The following KANK1 variants were observed in gnomAD, a reference collection of about 807,000 sequenced individuals.
KANK1 encodes the protein KN motif and ankyrin repeat domains 1.
Under a neutral mutation model 106.2 loss-of-function variants are expected in KANK1, and 109 were observed. The observed-to-expected ratio is 1.03, with a 90% confidence interval of 0.88 to 1.20. The LOEUF (loss-of-function observed/expected upper bound fraction) is 1.20. Among genes scored for constraint, KANK1 ranks in the 50% most tolerant of loss-of-function variants. KANK1 has a pLI of 0.00. For missense variants in KANK1, 2,399 were observed against 1,710.7 expected (o/e 1.40, Z -7.10); for synonymous variants, 873 against 652.2 (o/e 1.34, Z -5.16).
chr9:481,793 A>G (rs1040701226), intron 3 of KANK1, among the ~76,000 whole-genome samples: 4 of 152,082 alleles, frequency 2.6e-5, no homozygotes, highest in African/African-American at 9.7e-5. Context: ...GCAGTGAGCT[A>G]TGATCACACC....
chr9:557,004 T>C (rs1004377333), intron 1 of KANK1, among the ~76,000 whole-genome samples: 1 of 152,116 alleles, frequency 6.6e-6, no homozygotes, highest in Non-Finnish European at 1.5e-5. Flanking sequence ...GGTTTGTTAA[T>C]GGCATGGTAG....
chr9:657,280 A>AT (rs2137865860), intron 1 of KANK1, among the ~76,000 whole-genome samples: 1 of 152,218 alleles, frequency 6.6e-6, no homozygotes, highest in South Asian at 2.1e-4. Context: ...CTGTTAATGG[A>AT]CTTTTAGGTT....
chr9:593,981 C>T (rs935168742), intron 1 of KANK1, among the ~76,000 whole-genome samples: 2 of 151,854 alleles, frequency 1.3e-5, no homozygotes, highest in African/African-American at 4.9e-5. Flanking sequence ...CAAAGTGACT[C>T]CCTGGGCTGT....
In KANK1 at chr9:646,132, A is replaced by T. The variant is rs77608505; in HGVS notation, c.-83-30758A>T. Among the ~76,000 whole-genome samples the T allele has an allele frequency of 7.4e-3, 1,123 of 150,884 alleles. 101 individuals carry two copies. Among genetic ancestry groups the T allele is most frequent in the African/African-American group, 0.026 (1,064 of 40,230 alleles). On this transcript the variant is annotated intron_variant, in intron 1 of 11. Transcript: ENST00000382297. ...GTTTAGGATACCTATTTTGACAGCC[A>T]TACAGATCTTCAGAAAATAGGGATT...
At chr9:665,343 C>T (rs1263435658) in intron 1 of KANK1, among the ~76,000 whole-genome samples, 3 of 152,146 alleles carry the variant, frequency 2.0e-5, no homozygotes, top group Non-Finnish European at 2.9e-5. Context: ...GATATTTGTA[C>T]ATGGTGAGAG....
At chr9:528,776 C>G (rs957993282) in intron 1 of KANK1, among the ~76,000 whole-genome samples, 2 of 152,014 alleles carry the variant, frequency 1.3e-5, no homozygotes, top group Non-Finnish European at 2.9e-5. Context: ...GCATGAGCCA[C>G]CATGCCATTT....
rs140352356 is a variant in KANK1, at chr9:647,769, T to C, written c.-83-29121T>C. On this transcript the variant is annotated intron_variant, in intron 1 of 11. Transcript: ENST00000382297. ...AAAGAAAGTGCCAAACAACCTCAATTCTTCTGGCTCACACTTATATATAGC... is the reference window on the plus strand; with the variant it reads ...AAAGAAAGTGCCAAACAACCTCAATCCTTCTGGCTCACACTTATATATAGC... Among the ~76,000 whole-genome samples the C allele has an allele frequency of 7.6e-4, 114 of 150,786 alleles. 11 individuals are homozygous for C. The highest frequency in any genetic ancestry group is 2.6e-3 in the African/African-American group (106 of 40,140).
At chr9:543,895 A>G (rs139291662) in intron 1 of KANK1, among the ~76,000 whole-genome samples, 1 of 152,292 alleles carries the variant, frequency 6.6e-6, no homozygotes, top group East Asian at 1.9e-4. Flanking sequence ...GAGGCTCCAT[A>G]TCATATCTCT....
At chr9:641,977 C>A (rs373868392) in intron 1 of KANK1, among the ~76,000 whole-genome samples, 36 of 152,090 alleles carry the variant, frequency 2.4e-4, no homozygotes, top group African/African-American at 7.2e-4. Flanking sequence ...CAATCAAAAG[C>A]CGATTTCCTC....
chr9:538,029 T>C (rs907406792), intron 1 of KANK1, among the ~76,000 whole-genome samples: 4 of 152,246 alleles, frequency 2.6e-5, no homozygotes, highest in Non-Finnish European at 5.9e-5. Flanking sequence ...CTTGTTAAGC[T>C]ATTCATCCTT....
At chr9:610,239 C>G (rs116547963) in intron 1 of KANK1, among the ~76,000 whole-genome samples, 1,981 of 152,180 alleles carry the variant, frequency 0.013, 44 homozygotes, top group African/African-American at 0.045. Context: ...ATCAAAAACT[C>G]TTTACAAAAG....
At chr9:562,113 C>A (rs1344349742) in intron 1 of KANK1, among the ~76,000 whole-genome samples, 1 of 129,408 alleles carries the variant, frequency 7.7e-6, no homozygotes, top group South Asian at 2.5e-4. Flanking sequence ...ACTGCAGTGG[C>A]GCAATCTCGG....
chr9:739,916 A>C (rs924986647), intron 8 of KANK1, among the ~76,000 whole-genome samples: 6 of 152,058 alleles, frequency 3.9e-5, no homozygotes, highest in African/African-American at 1.2e-4. Flanking sequence ...CTTCTCCTCC[A>C]CAGGGCCTTT....
At chr9:671,509 T>TCTGTGCCTGTAGTCCCAGCTAATCG (rs1554676001) in intron 1 of KANK1, among the ~76,000 whole-genome samples, 7 of 144,302 alleles carry the variant, frequency 4.9e-5, no homozygotes, top group Middle Eastern at 3.2e-3. Flanking sequence ...CTGGACGTGG[T>TCTGTGCCTGTAGTCCCAGCTAATCG]GGAGGCTGAG....
intron 2 of KANK1, among the ~76,000 whole-genome samples, chr9:683,848 C>A (rs1312536088): frequency 6.6e-6 from 1 of 152,150 alleles, no homozygotes; most frequent in Non-Finnish European, 1.5e-5. Flanking sequence ...TTTCAACTTT[C>A]AATGAAACTG....
At chr9:552,037 G>C (rs1184822486) in intron 1 of KANK1, among the ~76,000 whole-genome samples, 1 of 152,120 alleles carries the variant, frequency 6.6e-6, no homozygotes, top group Non-Finnish European at 1.5e-5. Context: ...GCCTGGGTAA[G>C]TGAGACCCTG....
chr9:738,338 G>A lies in KANK1; in HGVS notation c.3387G>A (p.Lys1129=), dbSNP rs1011149857. 8.1e-6 allele frequency: 13 copies of A among 1,614,148 alleles called. No individual in the cohort carries two copies. Among genetic ancestry groups the A allele is most frequent in the Non-Finnish European group, 1.0e-5 (12 of 1,180,024 alleles). The change falls in exon 8 of 12, where the codon AAG becomes AAA. Residue 1129 remains lysine (K), a synonymous_variant. Transcript: ENST00000382297. ...QHEWFRVSSQ[K]SAIPAMVGDY... is the part of the protein sequence containing the mutation. ...AGTGGTTCCGCGTGTCCAGTCAGAA[G>A]TCAGCCATTCCAGCCATGGTGGGGG...
At chr9:738,640 G>T (rs540601883) in intron 8 of KANK1, 136 bp downstream of exon 8, 5 of 694,322 alleles carry the variant, frequency 7.2e-6, no homozygotes, top group Non-Finnish European at 7.4e-6. Flanking sequence ...ACATGACATG[G>T]CAAGAATTTT....
intron 1 of KANK1, among the ~76,000 whole-genome samples, chr9:602,696 C>G (rs558382212): frequency 6.6e-5 from 10 of 151,732 alleles, no homozygotes; most frequent in Admixed American, 1.3e-4. Context: ...TTATTTTTGT[C>G]CTTATAATTT....
Sources: gnomAD v4.1 joint callset for allele counts (sites outside exome capture counted in the v4.1 genomes callset) on GRCh38, gnomAD v4.1.1 for gene constraint, MANE v1.5 for transcripts, NCBI Gene and HGNC (gene_info 2026-07-23, HGNC 2026-07-21) for gene names.